Variants in RHBDD1 observed in about 807,000 individuals in gnomAD.
RHBDD1 encodes rhomboid-related protein 4.
A neutral mutation model predicts 36.3 loss-of-function variants in RHBDD1; 38 were observed. The observed-to-expected ratio is 1.05, with a 90% confidence interval of 0.81 to 1.37. The LOEUF (loss-of-function observed/expected upper bound fraction) is 1.37, where lower values mean the gene tolerates loss of function less well. RHBDD1 is among the 40% of genes most tolerant of loss of function. The pLI, the probability that RHBDD1 is intolerant of heterozygous loss-of-function variation, is 0.00. For missense variants in RHBDD1, 393 were observed against 377.6 expected (o/e 1.04, Z -0.34); for synonymous variants, 151 against 136.5 (o/e 1.11, Z -0.74).
chr2:226,891,000 C>T (rs1397618619), intron 5 of RHBDD1, among the ~76,000 whole-genome samples: 1 of 152,120 alleles, frequency 6.6e-6, no homozygotes, highest in East Asian at 1.9e-4. Context: ...ACTAACCACC[C>T]ACCCCCAACG....
At chr2:226,805,868 C>T in the RHBDD1 span, among the ~76,000 whole-genome samples, 2 of 152,044 alleles carry the variant, frequency 1.3e-5, no homozygotes, top group Admixed American at 1.3e-4. Context: ...TCACCATGTC[C>T]CTCTCATTCT....
intron 8 of RHBDD1, among the ~76,000 whole-genome samples, chr2:226,949,816 T>C: frequency 6.6e-6 from 1 of 152,138 alleles, no homozygotes; most frequent in East Asian, 1.9e-4. Context: ...CCTCCCATGC[T>C]CTTTCCTCTG....
At chr2:226,921,971 A>G (rs1182435747) in intron 8 of RHBDD1, among the ~76,000 whole-genome samples, 1 of 151,946 alleles carries the variant, frequency 6.6e-6, no homozygotes, top group Non-Finnish European at 1.5e-5. Flanking sequence ...GGATCGATCG[A>G]TCTCTTAAGC....
rs1002252581 is a variant in RHBDD1 at position 226,875,255 on chromosome 2, G to A, written c.566+7937G>A. On this transcript the variant is annotated intron_variant, in intron 5 of 8. Coordinates refer to ENST00000392062, the MANE Select transcript of RHBDD1 (RefSeq NM_001167608.3). ...TCATGGTTGCTGTTTGGCTTGAAAT[G>A]GCTTGCTAGATTGCTTTATGAACTG... Among the ~76,000 whole-genome samples the A allele has an allele frequency of 2.6e-5, 4 of 152,264 alleles. No individual in the cohort carries two copies. In the East Asian group the frequency reaches 7.7e-4, roughly 29 times the overall value.
intron 6 of RHBDD1, 106 bp downstream of exon 6, chr2:226,906,987 C>G (rs1948108092): frequency 9.1e-7 from 1 of 1,099,940 alleles, no homozygotes; most frequent in Non-Finnish European, 1.4e-6. Flanking sequence ...CTCAAGAATT[C>G]CCTAATATGC....
intron 8 of RHBDD1, among the ~76,000 whole-genome samples, chr2:226,918,753 T>A (rs529265686): frequency 3.0e-4 from 46 of 152,220 alleles, no homozygotes; most frequent in African/African-American, 1.1e-3. Flanking sequence ...TTGGCTACTA[T>A]GAATAGTGCT....
the RHBDD1 span, among the ~76,000 whole-genome samples, chr2:226,810,648 C>G: frequency 6.6e-6 from 1 of 150,536 alleles, no homozygotes; most frequent in Non-Finnish European, 1.5e-5. Context: ...AGATCTTCAT[C>G]CTCATCATTT....
At position 226,867,251 on chromosome 2, in the gene RHBDD1, G is replaced by A; in HGVS notation, c.499G>A (p.Gly167Ser). The A allele has an allele frequency of 6.2e-7, 1 of 1,613,488 alleles. No homozygotes were observed. ...CCCTGGAGGCTTTGTCAACATTTTGGGCTTTCCTGTACCGAACAGATTTGC... is the reference window on the plus strand; with the variant it reads ...CCCTGGAGGCTTTGTCAACATTTTGAGCTTTCCTGTACCGAACAGATTTGC... ...YCPGGFVNIL[G>S]FPVPNRFACW... Residue 167 changes from glycine to serine, a missense_variant, in exon 5 of 9, where the codon GGC (glycine) becomes AGC (serine). Transcript: ENST00000392062.
chr2:226,944,359 T>C (rs1022665604), intron 8 of RHBDD1, among the ~76,000 whole-genome samples: 50 of 152,214 alleles, frequency 3.3e-4, no homozygotes, highest in African/African-American at 1.2e-3. Context: ...GAGCAGCGGT[T>C]GTACAATTGC....
intron 3 of RHBDD1, among the ~76,000 whole-genome samples, chr2:226,860,545 C>T (rs774978724): frequency 2.0e-5 from 3 of 152,028 alleles, no homozygotes; most frequent in Non-Finnish European, 4.4e-5. Flanking sequence ...CCTCCCTGGC[C>T]CACAGCGTCA....
At chr2:226,832,863 T>C (rs1940776400), upstream of RHBDD1, among the ~76,000 whole-genome samples, 1 of 151,998 alleles carries the variant, frequency 6.6e-6, no homozygotes, top group South Asian at 2.1e-4. Context: ...TACAAAAAAT[T>C]AGCCAGGCAT....
upstream of RHBDD1, among the ~76,000 whole-genome samples, chr2:226,834,056 G>A (rs536222495): frequency 2.0e-5 from 3 of 150,298 alleles, no homozygotes; most frequent in South Asian, 6.2e-4. Context: ...AATTACCTAA[G>A]AATATTCTTA....
the RHBDD1 span, among the ~76,000 whole-genome samples, chr2:226,829,981 T>C: frequency 1.3e-5 from 2 of 152,162 alleles, no homozygotes; most frequent in African/African-American, 4.8e-5. Flanking sequence ...TGTAGGTTTT[T>C]TTTTTTATAG....
At chr2:226,869,007 A>C (rs1379550440) in intron 5 of RHBDD1, 2 of 196,438 alleles carry the variant, frequency 1.0e-5, no homozygotes, top group African/African-American at 4.7e-5. Flanking sequence ...GTGACTGGCA[A>C]CACCCACATT....
intron 3 of RHBDD1, among the ~76,000 whole-genome samples, chr2:226,850,396 C>G (rs950102283): frequency 1.3e-5 from 2 of 152,142 alleles, no homozygotes; most frequent in African/African-American, 2.4e-5. Flanking sequence ...AGCAAGGGTC[C>G]TCTATCCTGC....
intron 3 of RHBDD1, among the ~76,000 whole-genome samples, chr2:226,854,737 C>T (rs1286184431): frequency 6.6e-6 from 1 of 151,728 alleles, no homozygotes; most frequent in African/African-American, 2.4e-5. Flanking sequence ...TTTAAATCTA[C>T]TTAAAGATAT....
chr2:226,864,916 C>T lies in RHBDD1; in HGVS notation c.223C>T (p.His75Tyr). ...WQRLLLSPLH[H>Y]ADDWHLYFNM... ...GCGTTTACTGCTCTCTCCCCTTCAC[C>T]ATGCTGATGATTGGCATTTGTATTT... is the stretch of plus-strand genomic sequence containing the variant. Residue 75 changes from histidine (H) to tyrosine (Y), a missense_variant, in exon 4 of 9, where the codon CAT (histidine) becomes TAT (tyrosine). Transcript: ENST00000392062. 6.2e-7 allele frequency: 1 copy of T among 1,614,210 alleles called. No homozygotes were observed. The highest frequency in any genetic ancestry group is 8.5e-7 in the Non-Finnish European group (1 of 1,180,012).
At chr2:226,897,532 A>G (rs1342737633) in intron 5 of RHBDD1, among the ~76,000 whole-genome samples, 3 of 152,158 alleles carry the variant, frequency 2.0e-5, no homozygotes, top group Non-Finnish European at 4.4e-5. Flanking sequence ...TCACAGTTCT[A>G]CCAGCTGGAA....
At chr2:226,876,812 C>T (rs1553552622) in intron 5 of RHBDD1, among the ~76,000 whole-genome samples, 1 of 152,150 alleles carries the variant, frequency 6.6e-6, no homozygotes, top group Non-Finnish European at 1.5e-5. Flanking sequence ...ACATTCATAA[C>T]ATAATTTATC....
Sources: allele counts gnomAD v4.1 joint callset (sites outside exome capture counted in the v4.1 genomes callset), GRCh38; gene constraint gnomAD v4.1.1; transcripts MANE v1.5; gene names NCBI Gene and HGNC (gene_info 2026-07-23, HGNC 2026-07-21).